Variants in NFIX observed in about 807,000 individuals in gnomAD.
NFIX encodes nuclear factor I X.
A neutral mutation model predicts 53.3 loss-of-function variants in NFIX; 2 were observed. The observed-to-expected ratio is 0.04, with a 90% CI of 0.02 to 0.12. NFIX has a LOEUF of 0.12. NFIX is among the 10% of genes least tolerant of loss of function. The probability of loss-of-function intolerance (pLI) is 1.00; values close to 1 mark genes in which losing one functional copy is unlikely to be tolerated. For synonymous variants in NFIX, 244 were observed against 289.0 expected, an observed-to-expected ratio of 0.84 and a Z score of 1.58; for missense variants, 310 against 674.5, an observed-to-expected ratio of 0.46 and a Z score of 5.99.
At position 13,049,527 on chromosome 19, in the gene NFIX, G is replaced by C. The variant is rs150548582; in HGVS notation, c.560-23520G>C. On this transcript the variant is annotated intron_variant, in intron 2 of 10. Transcript: ENST00000592199. This position sits in a 1 kb window ranked among gnomAD's most constrained non-coding sequence, Gnocchi z 4.5. ...TCATACACTATGTGGTCTTCATGTCGGGCTTCTTTCACGGAGCATAATGTT... is the reference window on the plus strand; with the variant it reads ...TCATACACTATGTGGTCTTCATGTCCGGCTTCTTTCACGGAGCATAATGTT... Among the ~76,000 whole-genome samples the C allele has an allele frequency of 1.1e-4, 17 of 151,736 alleles. No homozygotes were observed. The East Asian group carries it at 2.9e-3, about 26-fold the overall frequency.
intron 1 of NFIX, chr19:13,024,708 G>T (rs1267080418): frequency 6.5e-7 from 1 of 1,536,210 alleles, no homozygotes; most frequent in Non-Finnish European, 8.7e-7. Flanking sequence ...AACGTTGTCT[G>T]TGCGCGTGTG....
rs1047472976 is a variant in NFIX at position 13,095,426 on chromosome 19, G to C, written c.*777G>C. The C allele has an allele frequency of 2.0e-5, 3 of 152,242 alleles. No homozygotes were observed. The highest frequency in any genetic ancestry group is 7.2e-5 in the African/African-American group (3 of 41,434). 9.4% of individuals were successfully genotyped at this position (152,242 alleles called of 1,614,324 possible). On this transcript the variant is annotated 3_prime_UTR_variant, in exon 11 of 11. Coordinates refer to ENST00000592199, the MANE Select transcript of NFIX (RefSeq NM_001365902.3). ...CTGGACCCCTCTGTACAGTCCGTAG[G>C]AAAAAGTCGGAATGCTCTCGACGGC... is the stretch of plus-strand genomic sequence containing the variant.
Position 13,014,487 on chromosome 19 carries a change from C to T in NFIX, c.28-10534C>T, listed in dbSNP as rs528298969. 3 of 152,262 alleles carry T rather than the reference C, an allele frequency of 2.0e-5. No individual in the cohort carries two copies. Among genetic ancestry groups the T allele is most frequent in the African/African-American group, 7.2e-5 (3 of 41,474 alleles). 9.4% of individuals were successfully genotyped at this position (152,262 alleles called of 1,614,324 possible). A position where few individuals can be genotyped will look rare whatever the true frequency, so the allele number is the denominator to read the frequency against. On this transcript the variant is annotated intron_variant, in intron 1 of 10. Transcript: ENST00000592199. The surrounding 1 kb of genome is among the most constrained non-coding windows in gnomAD (Gnocchi z 4.4). ...AAACCCGGGTGTGGGGAAGCAGCTT[C>T]GCTGCCTACTCTGCATCCTCTCCCC...
intron 2 of NFIX, among the ~76,000 whole-genome samples, chr19:13,061,512 C>G (rs1188861948): frequency 6.6e-6 from 1 of 152,232 alleles, no homozygotes; most frequent in Non-Finnish European, 1.5e-5. Context: ...CGCCGCAGCC[C>G]TCGGAGGGCA....
At chr19:13,024,771 G>C in intron 1 of NFIX, 2 of 1,509,404 alleles carry the variant, frequency 1.3e-6, no homozygotes, top group South Asian at 1.2e-5. Flanking sequence ...GAGGCTCCCG[G>C]TGCCTCTGTC....
intron 2 of NFIX, among the ~76,000 whole-genome samples, chr19:13,026,546 G>A (rs1044811875): frequency 2.0e-5 from 3 of 150,692 alleles, no homozygotes; most frequent in Non-Finnish European, 4.4e-5. Flanking sequence ...ATTTCTTTCC[G>A]CTTTTGTTTT....
At chr19:13,065,091 C>T (rs867773174) in intron 2 of NFIX, among the ~76,000 whole-genome samples, 2 of 152,096 alleles carry the variant, frequency 1.3e-5, no homozygotes, top group African/African-American at 4.8e-5. Flanking sequence ...CCTCCTTCCT[C>T]CTCCTACCCT....
intron 2 of NFIX, among the ~76,000 whole-genome samples, chr19:13,063,643 C>T (rs2016230063): frequency 6.6e-6 from 1 of 152,120 alleles, no homozygotes. Flanking sequence ...TGTGGCTCCT[C>T]CTCTCTCTCC....
rs937511362 is a variant in NFIX, at chr19:13,002,921, G to A, written c.27+7057G>A. Among the ~76,000 whole-genome samples the A allele has an allele frequency of 1.3e-5, 2 of 152,134 alleles. No homozygotes were observed. The highest frequency in any genetic ancestry group is 4.8e-5 in the African/African-American group (2 of 41,430). On this transcript the variant is annotated intron_variant, in intron 1 of 10. Transcript: ENST00000592199. This position sits in a 1 kb window ranked among gnomAD's most constrained non-coding sequence, Gnocchi z 6.1. ...TTCCTGGCACAGATCGGGCAAGAGC[G>A]GGGATCTGTCTGTCCCCACCTGAAT...
intron 2 of NFIX, among the ~76,000 whole-genome samples, chr19:13,044,232 G>A (rs984958603): frequency 1.3e-5 from 2 of 152,192 alleles, no homozygotes; most frequent in Non-Finnish European, 2.9e-5. Flanking sequence ...CGACAGCATC[G>A]TTTCTCCCCT....
chr19:13,089,595 C>T lies in NFIX; in HGVS notation c.1403-704C>T, dbSNP rs929253697. On this transcript the variant is annotated intron_variant, in intron 9 of 10. Coordinates refer to ENST00000592199, the MANE Select transcript of NFIX (RefSeq NM_001365902.3). The surrounding 1 kb of genome is among the most constrained non-coding windows in gnomAD (Gnocchi z 4.8). ...AGAATGCCATAGGCCTGAGCCTTGC[C>T]ACCCCCTGGGCCCAAGCCAGGCAGC... Among the ~76,000 whole-genome samples, 2 of 152,224 alleles carry T rather than the reference C, an allele frequency of 1.3e-5. No homozygotes were observed. The highest frequency in any genetic ancestry group is 2.9e-5 in the Non-Finnish European group (2 of 68,024).
In NFIX at chr19:13,051,092, A is replaced by G. The variant is rs2015301993; in HGVS notation, c.560-21955A>G. Among the ~76,000 whole-genome samples the G allele has an allele frequency of 6.6e-6, 1 of 152,210 alleles. No homozygotes were observed. The highest frequency in any genetic ancestry group is 1.5e-5 in the Non-Finnish European group (1 of 68,026). ...GGAGGGTGCATACCTCCAGGAGGAT[A>G]GTAGCAGGGGAGCCACGGAGTAGCT... On this transcript the variant is annotated intron_variant, in intron 2 of 10. Coordinates refer to ENST00000592199, the MANE Select transcript of NFIX (RefSeq NM_001365902.3). This position sits in a 1 kb window ranked among gnomAD's most constrained non-coding sequence, Gnocchi z 5.1.
At chr19:13,015,683 C>T (rs1016212426) in intron 1 of NFIX, among the ~76,000 whole-genome samples, 1 of 152,194 alleles carries the variant, frequency 6.6e-6, no homozygotes, top group African/African-American at 2.4e-5. Flanking sequence ...TGGCTTTCAG[C>T]TCGGCGGGTC....
intron 6 of NFIX, among the ~76,000 whole-genome samples, chr19:13,077,386 A>C (rs1009043976): frequency 2.0e-5 from 3 of 152,002 alleles, no homozygotes; most frequent in African/African-American, 7.3e-5. Context: ...TGTTGTTTTC[A>C]TGGGCTGCAA....
rs1599716754 is a variant in NFIX at position 13,011,503 on chromosome 19, T to G, written c.28-13518T>G. 2.1e-5 allele frequency among the ~76,000 whole-genome samples: 3 copies of G among 143,582 alleles called. No individual in the cohort carries two copies. The highest frequency in any genetic ancestry group is 5.2e-5 in the African/African-American group (2 of 38,658). 94.2% of individuals were successfully genotyped at this position (143,582 alleles called of 152,430 possible). A position where few individuals can be genotyped will look rare whatever the true frequency, so the allele number is the denominator to read the frequency against. On this transcript the variant is annotated intron_variant, in intron 1 of 10. Coordinates refer to ENST00000592199, the MANE Select transcript of NFIX (RefSeq NM_001365902.3). This position sits in a 1 kb window ranked among gnomAD's most constrained non-coding sequence, Gnocchi z 6.5. ...CTGCGCGCATCATGGACTTCAGGAGTGAGGGTGGGTGGGTTTTGGAGGGGT... is the reference window on the plus strand; with the variant it reads ...CTGCGCGCATCATGGACTTCAGGAGGGAGGGTGGGTGGGTTTTGGAGGGGT...
chr19:13,035,599 A>AT lies in NFIX; in HGVS notation c.559+10059dup, dbSNP rs938652917. On this transcript the variant is annotated intron_variant, in intron 2 of 10. Transcript: ENST00000592199. The stretch of plus-strand genomic sequence containing the variant: ...AGTACTACTCTTTTTAAATGATTTG[A>AT]TTTTTTTTTTTTATTATAGTAGTAA... Among the ~76,000 whole-genome samples, 494 of 147,116 alleles carry AT rather than the reference A, an allele frequency of 3.4e-3. 2 individuals carry two copies. Among genetic ancestry groups the AT allele is most frequent in the African/African-American group, 5.2e-3 (208 of 40,242 alleles).
Position 13,025,602 on chromosome 19 carries a change from C to A in NFIX, c.559+50C>A. On this transcript the variant is annotated intron_variant, in intron 2 of 10. Transcript: ENST00000592199. The surrounding 1 kb of genome is among the most constrained non-coding windows in gnomAD (Gnocchi z 7.5). ...CCTCTCATTTTATTTTCCTTGCTGG[C>A]ATTTGTTCTGTTTATTGTTCCTCTA... The A allele has an allele frequency of 6.4e-7, 1 of 1,573,844 alleles. No individual in the cohort carries two copies. Among genetic ancestry groups the A allele is most frequent in the African/African-American group, 1.3e-5 (1 of 74,364 alleles).
chr19:13,023,216 AC>A (rs547968399), intron 1 of NFIX, among the ~76,000 whole-genome samples: 153 of 150,188 alleles, frequency 1.0e-3, no homozygotes, highest in Middle Eastern at 3.5e-3. Context: ...AAAAAAAAAA[AC>A]ACCCCAAAAA....
chr19:13,041,793 C>CAAAAAAA (rs755429201), intron 2 of NFIX, among the ~76,000 whole-genome samples: 2 of 103,368 alleles, frequency 1.9e-5, no homozygotes, highest in African/African-American at 3.1e-5. Context: ...GACTCCGTCT[C>CAAAAAAA]AAAAAAAAAA....
Sources: allele counts gnomAD v4.1 joint callset (sites outside exome capture counted in the v4.1 genomes callset), GRCh38; gene constraint gnomAD v4.1.1; non-coding constraint Gnocchi (gnomAD v3.1); transcripts MANE v1.5; gene names NCBI Gene and HGNC (gene_info 2026-07-23, HGNC 2026-07-21).